The following HES2 variants were observed in gnomAD, a reference collection of about 807,000 sequenced individuals.
HES2 encodes hes family bHLH transcription factor 2.
HES2 carries 11 observed loss-of-function variants against 11.9 expected under a neutral mutation model. The ratio of observed to expected loss-of-function variants is 0.92; its 90% confidence interval spans 0.58 to 1.53. The LOEUF (loss-of-function observed/expected upper bound fraction) is 1.53, where lower values mean the gene tolerates loss of function less well. Ranked by LOEUF, HES2 falls within the 40% of genes most tolerant of loss-of-function variation. The probability of loss-of-function intolerance (pLI) is 0.00; values close to 1 mark genes in which losing one functional copy is unlikely to be tolerated. For synonymous variants in HES2, 125 were observed against 122.8 expected (o/e 1.02, Z -0.12); for missense variants, 260 against 253.8 (o/e 1.02, Z -0.16).
Position 6,418,691 on chromosome 1 carries a change from C to G in HES2, c.*182G>C. 2.0e-6 allele frequency: 1 copy of G among 507,820 alleles called. No homozygotes were observed. The highest frequency in any genetic ancestry group is 3.1e-6 in the Non-Finnish European group (1 of 326,652). 31.5% of individuals were successfully genotyped at this position (507,820 alleles called of 1,614,324 possible). Reference sequence around the variant, plus strand: ...AGGGACGCTCCTTTTATTCCCTGAGCCGAGCCCCAGCCCCAGGGCTTTCAG... The same window carrying G: ...AGGGACGCTCCTTTTATTCCCTGAGGCGAGCCCCAGCCCCAGGGCTTTCAG... On this transcript the variant is annotated 3_prime_UTR_variant, in exon 4 of 4. Transcript: ENST00000377834.
Position 6,418,517 on chromosome 1 carries a change from T to C in HES2, c.*356A>G. 1 of 226,182 alleles carries C rather than the reference T, an allele frequency of 4.4e-6. No individual in the cohort carries two copies. The highest frequency in any genetic ancestry group is 8.5e-6 in the Non-Finnish European group (1 of 116,964). The allele number at this position is 226,182 out of a possible 1,614,324, so 14.0% of individuals were successfully genotyped here. On this transcript the variant is annotated 3_prime_UTR_variant, in exon 4 of 4. Transcript: ENST00000377834. ...GCCCAGGTCCTGGCTCTGGCTCTGGTCTGGTGCCAGTGCTGGGGTGGGTGT... is the reference window on the plus strand; with the variant it reads ...GCCCAGGTCCTGGCTCTGGCTCTGGCCTGGTGCCAGTGCTGGGGTGGGTGT...
At position 6,419,626 on chromosome 1, in the gene HES2, A is replaced by G. The variant is rs1350535979; in HGVS notation, c.122T>C (p.Leu41Pro). 1.3e-6 allele frequency: 2 copies of G among 1,541,480 alleles called. No individual in the cohort carries two copies. Among genetic ancestry groups the G allele is most frequent in the African/African-American group, 1.4e-5 (1 of 72,094 alleles). ...QSLSQLKGLI[L>P]PLLGRENSNC... ...GCTCACCTCCCGGCCCAGCAGCGGC[A>G]GGATGAGCCCCTTAAGCTGGCTCAG... Residue 41 changes from leucine (L) to proline (P), a missense_variant, in exon 2 of 4, where the codon CTG becomes CCG. Coordinates refer to ENST00000377834, the MANE Select transcript of HES2 (RefSeq NM_019089.5). The surrounding 1 kb of genome is among the most constrained non-coding windows in gnomAD (Gnocchi z 8.1).
Position 6,419,774 on chromosome 1 carries a change from A to T in HES2, c.45+2T>A. On this transcript the variant is annotated splice_donor_variant, in intron 1 of 3. Transcript: ENST00000377834. LOFTEE classifies it high-confidence loss of function. This position sits in a 1 kb window ranked among gnomAD's most constrained non-coding sequence, Gnocchi z 8.1. The stretch of plus-strand genomic sequence containing the variant: ...GCCCCGCCCCCAGTCCCCGGTACCC[A>T]CCTTGCGCAGCTCCGCCGCGTCCCC... The T allele has an allele frequency of 6.5e-7, 1 of 1,549,742 alleles. No homozygotes were observed. Among genetic ancestry groups the T allele is most frequent in the Non-Finnish European group, 8.7e-7 (1 of 1,151,064 alleles).
Position 6,419,736 on chromosome 1 carries a change from C to A in HES2, c.46-34G>T. On this transcript the variant is annotated intron_variant, in intron 1 of 3. Transcript: ENST00000377834. The surrounding 1 kb of genome is among the most constrained non-coding windows in gnomAD (Gnocchi z 8.1). ...GGGCGGCGCGGTGGTTAGACGGGTC[C>A]CCGGAGTCCCCAGCCCCGCCCCCAG... 1 of 1,551,484 alleles carries A rather than the reference C, an allele frequency of 6.4e-7. No homozygotes were observed. The highest frequency in any genetic ancestry group is 8.7e-7 in the Non-Finnish European group (1 of 1,151,762).
chr1:6,419,158 G>A lies in HES2; in HGVS notation c.242-5C>T, dbSNP rs762200702. On this transcript the variant is annotated splice_polypyrimidine_tract_variant and splice_region_variant and intron_variant, in intron 3 of 3. Coordinates refer to ENST00000377834, the MANE Select transcript of HES2 (RefSeq NM_019089.5). This position sits in a 1 kb window ranked among gnomAD's most constrained non-coding sequence, Gnocchi z 8.1. ...CGCGGTAGCTGTCGCAAGGCACTGCGGGCGGAGAGCCGCGTGAGGCGCGGG... is the reference window on the plus strand; with the variant it reads ...CGCGGTAGCTGTCGCAAGGCACTGCAGGCGGAGAGCCGCGTGAGGCGCGGG... 1.0e-5 allele frequency: 16 copies of A among 1,547,782 alleles called. No individual in the cohort carries two copies. Among genetic ancestry groups the A allele is most frequent in the East Asian group, 2.4e-5 (1 of 41,462 alleles).
rs1642868800 is a variant in HES2, at chr1:6,417,854, G to C, written c.*1019C>G. 1 of 152,314 alleles carries C rather than the reference G, an allele frequency of 6.6e-6. No homozygotes were observed. The highest frequency in any genetic ancestry group is 2.4e-5 in the African/African-American group (1 of 41,470). The allele number at this position is 152,314 out of a possible 1,614,324, so 9.4% of individuals were successfully genotyped here. ...CCGCCTTGGCCTCCCAAAGTGCTGG[G>C]ATTACAGGCGTGAGCCACCGCGCCC... On this transcript the variant is annotated 3_prime_UTR_variant, in exon 4 of 4. Transcript: ENST00000377834.
chr1:6,419,848 G>C lies in HES2; in HGVS notation c.-28C>G, dbSNP rs571311975. On this transcript the variant is annotated 5_prime_UTR_variant, in exon 1 of 4. Coordinates refer to ENST00000377834, the MANE Select transcript of HES2 (RefSeq NM_019089.5). This position sits in a 1 kb window ranked among gnomAD's most constrained non-coding sequence, Gnocchi z 8.1. ...TCCGCGGGGAAGCGGTGGCAGCTGC[G>C]AGCCCCACGCAAAGGGAAACCGAGG... The C allele has an allele frequency of 2.6e-6, 4 of 1,535,818 alleles. No homozygotes were observed. In the South Asian group the frequency reaches 4.9e-5, roughly 19 times the overall value.
In HES2 at chr1:6,418,900, G is replaced by A. The variant is rs1338082067; in HGVS notation, c.495C>T (p.Cys165=). The A allele has an allele frequency of 2.3e-6, 3 of 1,315,542 alleles. No homozygotes were observed. Among genetic ancestry groups the A allele is most frequent in the East Asian group, 3.1e-5 (1 of 32,268 alleles). 81.5% of individuals were successfully genotyped at this position (1,315,542 alleles called of 1,614,324 possible). Residue 165 remains cysteine, a synonymous_variant, in exon 4 of 4, where the codon TGC becomes TGT. Coordinates refer to ENST00000377834, the MANE Select transcript of HES2 (RefSeq NM_019089.5). ...ACCACGGCCGCCAGAGGCCAGGGCC[G>A]CAGGGAGGCGAGGGCGGCGAGGGCA... is the stretch of plus-strand genomic sequence containing the variant. ...APVPSPPSPP[C]GPGLWRPW
Position 6,416,414 on chromosome 1 carries a change from C to T in HES2, c.*2459G>A, listed in dbSNP as rs1326839811. The T allele has an allele frequency of 6.6e-6, 1 of 152,278 alleles. No individual in the cohort carries two copies. The highest frequency in any genetic ancestry group is 2.4e-5 in the African/African-American group (1 of 41,456). 9.4% of individuals were successfully genotyped at this position (152,278 alleles called of 1,614,324 possible). A position where few individuals can be genotyped will look rare whatever the true frequency, so the allele number is the denominator to read the frequency against. Reference sequence around the variant, plus strand: ...GAGCCAGCGGAGACCTTCTGCGCAGCTAGCTCTTGCACACACCCCTGCGGA... The same window carrying T: ...GAGCCAGCGGAGACCTTCTGCGCAGTTAGCTCTTGCACACACCCCTGCGGA... On this transcript the variant is annotated 3_prime_UTR_variant, in exon 4 of 4. Coordinates refer to ENST00000377834, the MANE Select transcript of HES2 (RefSeq NM_019089.5).
Position 6,419,899 on chromosome 1 carries a change from C to A in HES2, c.-79G>T, listed in dbSNP as rs1205950085. ...TCCGAAATGAGGTCCCGGGCGCGGC[C>A]CGGGCTGGTGCCAGACGAGTGCGCG... On this transcript the variant is annotated 5_prime_UTR_variant, in exon 1 of 4. Transcript: ENST00000377834. The surrounding 1 kb of genome is among the most constrained non-coding windows in gnomAD (Gnocchi z 8.1). The A allele has an allele frequency of 7.0e-6, 10 of 1,438,844 alleles. No individual in the cohort carries two copies. The highest frequency in any genetic ancestry group is 7.3e-6 in the Non-Finnish European group (8 of 1,096,394). The allele number at this position is 1,438,844 out of a possible 1,614,324, so 89.1% of individuals were successfully genotyped here.
At position 6,418,982 on chromosome 1, in the gene HES2, C is replaced by G; in HGVS notation, c.413G>C (p.Gly138Ala). The change falls in exon 4 of 4, where the codon GGC becomes GCC. Residue 138 changes from glycine (G) to alanine (A), a missense_variant. Coordinates refer to ENST00000377834, the MANE Select transcript of HES2 (RefSeq NM_019089.5). ...LDGGRAGDSS[G>A]PSAPAPAPAS... ...GGGCGCTGGGGCGGGGGCAGACGGGCCACTGGAATCCCCAGCGCGCCCGCC... is the reference window on the plus strand; with the variant it reads ...GGGCGCTGGGGCGGGGGCAGACGGGGCACTGGAATCCCCAGCGCGCCCGCC... The G allele has an allele frequency of 2.2e-6, 3 of 1,361,674 alleles. No homozygotes were observed. Among genetic ancestry groups the G allele is most frequent in the Non-Finnish European group, 1.9e-6 (2 of 1,067,778 alleles). The allele number at this position is 1,361,674 out of a possible 1,614,324, so 84.3% of individuals were successfully genotyped here. A position where few individuals can be genotyped will look rare whatever the true frequency, so the allele number is the denominator to read the frequency against.
At position 6,418,887 on chromosome 1, in the gene HES2, A is replaced by G. The variant is rs763436382; in HGVS notation, c.508T>C (p.Trp170Arg). The change falls in exon 4 of 4, where the codon TGG (tryptophan) becomes CGG (arginine). Residue 170 changes from tryptophan (W) to arginine (R), a missense_variant. Physicochemically the swap from Trp to Arg is moderately radical, Grantham distance 101. Coordinates refer to ENST00000377834, the MANE Select transcript of HES2 (RefSeq NM_019089.5). ...CGGCCGAGGGGCTACCACGGCCGCC[A>G]GAGGCCAGGGCCGCAGGGAGGCGAG... The part of the protein sequence containing the change: ...PPSPPCGPGL[W>R]RPW The G allele has an allele frequency of 1.4e-5, 18 of 1,306,504 alleles. No homozygotes were observed. The highest frequency in any genetic ancestry group is 5.7e-4 in the Middle Eastern group (2 of 3,516). The allele number at this position is 1,306,504 out of a possible 1,614,324, so 80.9% of individuals were successfully genotyped here.
Position 6,419,721 on chromosome 1 carries a change from G to T in HES2, c.46-19C>A, listed in dbSNP as rs1234507745. On this transcript the variant is annotated intron_variant, in intron 1 of 3. Coordinates refer to ENST00000377834, the MANE Select transcript of HES2 (RefSeq NM_019089.5). This position sits in a 1 kb window ranked among gnomAD's most constrained non-coding sequence, Gnocchi z 8.1. ...TCAGGCTCTGCGGACGGGCGGCGCGGTGGTTAGACGGGTCCCCGGAGTCCC... is the reference window on the plus strand; with the variant it reads ...TCAGGCTCTGCGGACGGGCGGCGCGTTGGTTAGACGGGTCCCCGGAGTCCC... 124 of 1,551,052 alleles carry T rather than the reference G, an allele frequency of 8.0e-5. No homozygotes were observed. The highest frequency in any genetic ancestry group is 9.7e-5 in the Non-Finnish European group (112 of 1,151,400).
In HES2 at chr1:6,419,916, G is replaced by A; in HGVS notation, c.-96C>T. ...GGCGCGGCCCGGGCTGGTGCCAGAC[G>A]AGTGCGCGCCCCGCCCGCGGCCGAG... On this transcript the variant is annotated 5_prime_UTR_variant, in exon 1 of 4. Transcript: ENST00000377834. This position sits in a 1 kb window ranked among gnomAD's most constrained non-coding sequence, Gnocchi z 8.1. 4 of 1,382,454 alleles carry A rather than the reference G, an allele frequency of 2.9e-6. No homozygotes were observed. The highest frequency in any genetic ancestry group is 1.5e-5 in the African/African-American group (1 of 65,420). 85.6% of individuals were successfully genotyped at this position (1,382,454 alleles called of 1,614,324 possible).
In HES2 at chr1:6,419,449, G is replaced by A; in HGVS notation, c.142-109C>T. 8.5e-7 allele frequency: 1 copy of A among 1,183,362 alleles called. No homozygotes were observed. 73.3% of individuals were successfully genotyped at this position (1,183,362 alleles called of 1,614,324 possible). A position where few individuals can be genotyped will look rare whatever the true frequency, so the allele number is the denominator to read the frequency against. On this transcript the variant is annotated intron_variant, in intron 2 of 3. Transcript: ENST00000377834. This position sits in a 1 kb window ranked among gnomAD's most constrained non-coding sequence, Gnocchi z 8.1. ...GGGAGCTGGGTGTGGGGCGCGCCGT[G>A]GCCTGCTGGGGGTCCGCTCCGACGC... is the stretch of plus-strand genomic sequence containing the variant.
rs1013110848 is a variant in HES2, at chr1:6,419,896, G to C, written c.-76C>G. On this transcript the variant is annotated 5_prime_UTR_variant, in exon 1 of 4. Transcript: ENST00000377834. The surrounding 1 kb of genome is among the most constrained non-coding windows in gnomAD (Gnocchi z 8.1). Reference sequence around the variant, plus strand: ...AGGTCCGAAATGAGGTCCCGGGCGCGGCCCGGGCTGGTGCCAGACGAGTGC... The same window carrying C: ...AGGTCCGAAATGAGGTCCCGGGCGCCGCCCGGGCTGGTGCCAGACGAGTGC... 1 of 1,439,898 alleles carries C rather than the reference G, an allele frequency of 6.9e-7. No individual in the cohort carries two copies. Among genetic ancestry groups the C allele is most frequent in the Non-Finnish European group, 9.1e-7 (1 of 1,096,734 alleles). 89.2% of individuals were successfully genotyped at this position (1,439,898 alleles called of 1,614,324 possible).
chr1:6,419,296 C>G lies in HES2; in HGVS notation c.186G>C (p.Met62Ile), dbSNP rs1294840984. The G allele has an allele frequency of 6.2e-7, 1 of 1,611,080 alleles. No individual in the cohort carries two copies. Among genetic ancestry groups the G allele is most frequent in the Admixed American group, 1.7e-5 (1 of 59,916 alleles). Residue 62 changes from methionine to isoleucine, a missense_variant, in exon 3 of 4, where the codon ATG becomes ATC. By Grantham distance (10) the Met-to-Ile change is conservative (BLOSUM62 1). Transcript: ENST00000377834. The surrounding 1 kb of genome is among the most constrained non-coding windows in gnomAD (Gnocchi z 8.1). ...GCAGCTCCTGCAGGAAGCGCACGGTCATTTCCAGGACGTCTGCCTTCTCTA... is the reference window on the plus strand; with the variant it reads ...GCAGCTCCTGCAGGAAGCGCACGGTGATTTCCAGGACGTCTGCCTTCTCTA... The part of the protein sequence containing the change: ...SKLEKADVLE[M>I]TVRFLQELPA...
Position 6,418,622 on chromosome 1 carries a change from G to A in HES2, c.*251C>T. ...GGATGGGGGGCTTCTTCTTCACCCT[G>A]CTGCCTCTTGTCCTTTCTTCTCCAG... On this transcript the variant is annotated 3_prime_UTR_variant, in exon 4 of 4. Transcript: ENST00000377834. 1 of 388,814 alleles carries A rather than the reference G, an allele frequency of 2.6e-6. No homozygotes were observed. The highest frequency in any genetic ancestry group is 4.5e-6 in the Non-Finnish European group (1 of 221,314). 24.1% of individuals were successfully genotyped at this position (388,814 alleles called of 1,614,324 possible).
chr1:6,419,755 C>T lies in HES2; in HGVS notation c.45+21G>A, dbSNP rs1642890964. The T allele has an allele frequency of 6.4e-7, 1 of 1,556,058 alleles. No homozygotes were observed. The highest frequency in any genetic ancestry group is 2.4e-5 in the East Asian group (1 of 41,034). On this transcript the variant is annotated intron_variant, in intron 1 of 3. Transcript: ENST00000377834. This position sits in a 1 kb window ranked among gnomAD's most constrained non-coding sequence, Gnocchi z 8.1. ...CGGGTCCCCGGAGTCCCCAGCCCCGCCCCCAGTCCCCGGTACCCACCTTGC... is the reference window on the plus strand; with the variant it reads ...CGGGTCCCCGGAGTCCCCAGCCCCGTCCCCAGTCCCCGGTACCCACCTTGC...
Sources: allele counts gnomAD v4.1 joint callset, GRCh38; gene constraint gnomAD v4.1.1; non-coding constraint Gnocchi (gnomAD v3.1); transcripts MANE v1.5; gene names NCBI Gene and HGNC (gene_info 2026-07-23, HGNC 2026-07-21).